Variants in PCNX2 observed in about 807,000 individuals in gnomAD.
PCNX2 encodes pecanex-like protein 2.
In PCNX2, 168 loss-of-function variants were observed where a neutral mutation model predicts 223.8. That is an observed-to-expected ratio of 0.75 (90% CI 0.66 to 0.85). PCNX2 has a LOEUF of 0.85. PCNX2 is among the 40% of genes least tolerant of loss of function. PCNX2 has a pLI of 0.00. For missense variants in PCNX2, 2,507 were observed against 2,675.5 expected (o/e 0.94, Z 1.39); for synonymous variants, 1,006 against 1,052.6 (o/e 0.96, Z 0.86).
chr1:233,167,008 C>T (rs557454913), intron 17 of PCNX2, among the ~76,000 whole-genome samples: 5 of 152,106 alleles, frequency 3.3e-5, no homozygotes, highest in Non-Finnish European at 5.9e-5. Context: ...AAAAACAGAA[C>T]TACCACGTGC....
intron 15 of PCNX2, among the ~76,000 whole-genome samples, chr1:233,182,217 G>T (rs1307206377): frequency 6.6e-6 from 1 of 152,214 alleles, no homozygotes; most frequent in Admixed American, 6.5e-5. Flanking sequence ...CATGGGAGGG[G>T]TCAATGCAGC....
chr1:233,039,440 C>A (rs1024298831), intron 25 of PCNX2, among the ~76,000 whole-genome samples: 1 of 152,164 alleles, frequency 6.6e-6, no homozygotes, highest in East Asian at 1.9e-4. Context: ...CTTTATAGAG[C>A]TGTTATAAGC....
rs1056848971 is a variant in PCNX2 at position 233,253,458 on chromosome 1, T to C, written c.1835-670A>G. ...CTCTTGGGCACAAGTGACTCTCCTA[T>C]CTCTGCCTCCCAAGCAGCTGGGATG... On this transcript the variant is annotated intron_variant, in intron 5 of 33. Coordinates refer to ENST00000258229, the MANE Select transcript of PCNX2 (RefSeq NM_014801.4). This position sits in a 1 kb window ranked among gnomAD's most constrained non-coding sequence, Gnocchi z 4.2. 1.3e-5 allele frequency among the ~76,000 whole-genome samples: 2 copies of C among 152,122 alleles called. No individual in the cohort carries two copies. The highest frequency in any genetic ancestry group is 4.8e-5 in the African/African-American group (2 of 41,438).
intron 12 of PCNX2, among the ~76,000 whole-genome samples, chr1:233,210,051 T>C (rs1276309510): frequency 6.6e-6 from 1 of 152,216 alleles, no homozygotes; most frequent in East Asian, 1.9e-4. Flanking sequence ...TTCTAAAAAT[T>C]AAAAGTCTTT....
chr1:233,207,772 A>G (rs1458847113), intron 13 of PCNX2, among the ~76,000 whole-genome samples: 1 of 152,136 alleles, frequency 6.6e-6, no homozygotes, highest in Non-Finnish European at 1.5e-5. Context: ...TGACTTGTTT[A>G]AACAGAGCGT....
intron 23 of PCNX2, among the ~76,000 whole-genome samples, chr1:233,074,300 G>A (rs1018917834): frequency 7.2e-5 from 11 of 152,234 alleles, no homozygotes; most frequent in African/African-American, 2.6e-4. Flanking sequence ...AAAACATTTT[G>A]TTAAGAGGAC....
intron 13 of PCNX2, among the ~76,000 whole-genome samples, chr1:233,207,011 A>C (rs1681509447): frequency 6.7e-6 from 1 of 148,926 alleles, no homozygotes. Flanking sequence ...ACTCCAACAA[A>C]AAAAAAAAAG....
chr1:233,063,405 G>C (rs557550970), intron 23 of PCNX2, among the ~76,000 whole-genome samples: 3 of 152,084 alleles, frequency 2.0e-5, no homozygotes, highest in Non-Finnish European at 4.4e-5. Flanking sequence ...GAATGAGAGT[G>C]GGGGAGAGAA....
intron 9 of PCNX2, chr1:233,232,874 T>C: frequency 1.0e-6 from 1 of 985,204 alleles, no homozygotes; most frequent in Non-Finnish European, 1.2e-6. Flanking sequence ...ATAATGATAA[T>C]AATAATAATA....
At chr1:233,306,666 C>A in the PCNX2 span, among the ~76,000 whole-genome samples, 1 of 152,124 alleles carries the variant, frequency 6.6e-6, no homozygotes, top group African/African-American at 2.4e-5. Context: ...TTCAAAAAAA[C>A]AAATAAACCA....
intron 21 of PCNX2, chr1:233,112,711 G>GTGGTATATGT: frequency 2.7e-6 from 2 of 744,556 alleles, no homozygotes; most frequent in Non-Finnish European, 3.6e-6. Flanking sequence ...GTAGATCTTT[G>GTGGTATATGT]AACAATATAA....
At chr1:233,106,916 T>C (rs1571879239) in intron 21 of PCNX2, among the ~76,000 whole-genome samples, 1 of 152,136 alleles carries the variant, frequency 6.6e-6, no homozygotes, top group Admixed American at 6.5e-5. Flanking sequence ...CTAGTACATA[T>C]AGGAATAAGA....
chr1:233,308,808 C>T, the PCNX2 span, among the ~76,000 whole-genome samples: 1 of 152,010 alleles, frequency 6.6e-6, no homozygotes, highest in South Asian at 2.1e-4. Flanking sequence ...AATAAAAAAA[C>T]ACAAACTACA....
chr1:233,296,750 T>G (rs1051260346), upstream of PCNX2, among the ~76,000 whole-genome samples: 2 of 152,218 alleles, frequency 1.3e-5, no homozygotes, highest in Non-Finnish European at 2.9e-5. Flanking sequence ...CTCCTCTGAC[T>G]TGTGTGCCTG....
intron 21 of PCNX2, among the ~76,000 whole-genome samples, chr1:233,132,892 CTTTTT>C (rs892121349): frequency 5.2e-4 from 60 of 114,878 alleles, no homozygotes; most frequent in Non-Finnish European, 8.7e-4. Context: ...CATTTTACAT[CTTTTT>C]TTTTTTTTTT....
intron 21 of PCNX2, among the ~76,000 whole-genome samples, chr1:233,114,935 C>T (rs1675320060): frequency 6.6e-6 from 1 of 152,056 alleles, no homozygotes; most frequent in Admixed American, 6.5e-5. Flanking sequence ...GATCAAGAAA[C>T]ATCCCCTCAC....
chr1:233,267,373 A>G (rs10910123), intron 1 of PCNX2, among the ~76,000 whole-genome samples: 47,614 of 152,048 alleles, frequency 0.31, 7,629 homozygotes, highest in South Asian at 0.45. Flanking sequence ...AAATATATAT[A>G]ATACAAAATT....
In PCNX2 at chr1:233,252,458, G is replaced by T; in HGVS notation, c.2024C>A (p.Thr675Asn). The T allele has an allele frequency of 6.2e-7, 1 of 1,613,584 alleles. No homozygotes were observed. Among genetic ancestry groups the T allele is most frequent in the Admixed American group, 1.7e-5 (1 of 60,010 alleles). Residue 675 changes from threonine to asparagine, a missense_variant, in exon 7 of 34, where the codon ACT becomes AAT. Coordinates refer to ENST00000258229, the MANE Select transcript of PCNX2 (RefSeq NM_014801.4). The stretch of plus-strand genomic sequence containing the variant: ...CAAGACAGAACTATCTTGTTGGGAA[G>T]TTACCCTGTAGATTATCTGTCTTTG... ...NRQRQIIYRV[T>N]SQQDSSVLQV... is the part of the protein sequence containing the mutation.
chr1:233,105,046 C>A (rs1232041003), intron 21 of PCNX2, among the ~76,000 whole-genome samples: 1 of 152,064 alleles, frequency 6.6e-6, no homozygotes, highest in Non-Finnish European at 1.5e-5. Flanking sequence ...TTAAAATGTG[C>A]ATCTTAGAAA....
Sources: gnomAD v4.1 joint callset for allele counts (sites outside exome capture counted in the v4.1 genomes callset) on GRCh38, gnomAD v4.1.1 for gene constraint, Gnocchi (gnomAD v3.1) non-coding constraint, MANE v1.5 for transcripts, NCBI Gene and HGNC (gene_info 2026-07-23, HGNC 2026-07-21) for gene names.